Variants in ACTR3C observed in about 807,000 individuals in gnomAD.
ACTR3C encodes actin-related protein 3C.
A neutral mutation model predicts 26.3 loss-of-function variants in ACTR3C; 18 were observed. That is an observed-to-expected ratio of 0.68 (90% CI 0.47 to 1.01). ACTR3C has a LOEUF of 1.01. Among genes scored for constraint, ACTR3C ranks in the 50% least tolerant of loss-of-function variants. ACTR3C has a pLI of 0.00. For synonymous variants in ACTR3C, 55 were observed against 94.5 expected (o/e 0.58, Z 2.42); for missense variants, 184 against 250.7 (o/e 0.73, Z 1.80).
At chr7:150,061,301 C>T in the ACTR3C span, among the ~76,000 whole-genome samples, 2 of 140,184 alleles carry the variant, frequency 1.4e-5, no homozygotes, top group South Asian at 2.5e-4. Flanking sequence ...ATCACTTCTG[C>T]ACCTGTCTTC....
chr7:149,911,680 A>C, the ACTR3C span, among the ~76,000 whole-genome samples: 1 of 151,948 alleles, frequency 6.6e-6, no homozygotes, highest in Non-Finnish European at 1.5e-5. Flanking sequence ...AAAAAAAAAA[A>C]ACACTGAAAC....
chr7:150,247,809 C>A (rs1476621687), intron 7 of ACTR3C: 31 of 149,076 alleles, frequency 2.1e-4, no homozygotes, highest in Admixed American at 2.1e-3. Context: ...GAGATCTGGT[C>A]ATGTAGAAGT....
At chr7:150,284,312 G>A (rs1246082860) in intron 6 of ACTR3C, among the ~76,000 whole-genome samples, 14 of 152,136 alleles carry the variant, frequency 9.2e-5, no homozygotes, top group African/African-American at 2.9e-4. Context: ...AGGCCAAGGC[G>A]GGTGGATTGC....
At chr7:150,084,519 G>T in the ACTR3C span, among the ~76,000 whole-genome samples, 14 of 152,146 alleles carry the variant, frequency 9.2e-5, no homozygotes, top group African/African-American at 2.7e-4. Context: ...CACTGCGGAG[G>T]TATCATGGGG....
the ACTR3C span, among the ~76,000 whole-genome samples, chr7:150,048,280 G>A: frequency 6.6e-5 from 10 of 151,246 alleles, no homozygotes; most frequent in East Asian, 1.2e-3. Context: ...CGCTCTCCTC[G>A]CTCCCCGCCC....
the ACTR3C span, among the ~76,000 whole-genome samples, chr7:150,102,890 A>G: frequency 1.3e-5 from 2 of 152,078 alleles, no homozygotes; most frequent in Non-Finnish European, 2.9e-5. Context: ...GTAGCCTGCT[A>G]TAACCCCAGC....
At chr7:150,073,545 T>C in the ACTR3C span, 2 of 148,196 alleles carry the variant, frequency 1.3e-5, no homozygotes, top group East Asian at 2.0e-4. Context: ...CCTTTAGAAC[T>C]CCCTGATCAT....
the ACTR3C span, among the ~76,000 whole-genome samples, chr7:149,918,150 T>C: frequency 6.6e-6 from 1 of 152,084 alleles, no homozygotes; most frequent in Non-Finnish European, 1.5e-5. Context: ...TTAAATTTTC[T>C]ATTTCTCCTT....
At chr7:150,026,090 C>T in the ACTR3C span, among the ~76,000 whole-genome samples, 2 of 152,064 alleles carry the variant, frequency 1.3e-5, no homozygotes, top group African/African-American at 2.4e-5. Flanking sequence ...ATGCCTGGCA[C>T]ACAGAAGGCA....
chr7:150,185,510 A>G, the ACTR3C span, among the ~76,000 whole-genome samples: 3 of 152,154 alleles, frequency 2.0e-5, no homozygotes, highest in Admixed American at 6.5e-5. Flanking sequence ...ATCTTTTTCT[A>G]TATAAAGGAA....
the ACTR3C span, among the ~76,000 whole-genome samples, chr7:149,953,662 T>C: frequency 6.6e-6 from 1 of 152,238 alleles, no homozygotes; most frequent in Non-Finnish European, 1.5e-5. Context: ...TCCGTCTTCG[T>C]TGCCTTTTTA....
the ACTR3C span, among the ~76,000 whole-genome samples, chr7:150,219,862 G>T: frequency 6.9e-6 from 1 of 144,950 alleles, no homozygotes; most frequent in African/African-American, 2.9e-5. Context: ...GGCCCAGGGG[G>T]GTCTGATTGT....
chr7:149,905,124 T>C, the ACTR3C span, among the ~76,000 whole-genome samples: 1 of 150,774 alleles, frequency 6.6e-6, no homozygotes, highest in Non-Finnish European at 1.5e-5. Context: ...CACTAAAGAG[T>C]AAGAGCCAAA....
chr7:149,911,622 C>T, the ACTR3C span, among the ~76,000 whole-genome samples: 1 of 151,042 alleles, frequency 6.6e-6, no homozygotes, highest in Non-Finnish European at 1.5e-5. Flanking sequence ...TCATCTCCTA[C>T]AATCTCCTAT....
chr7:150,321,298 T>G (rs1175367884), intron 1 of ACTR3C, among the ~76,000 whole-genome samples: 1 of 152,236 alleles, frequency 6.6e-6, no homozygotes, highest in Non-Finnish European at 1.5e-5. Context: ...TTGAATAAAG[T>G]CTCTCACCTT....
At chr7:150,226,050 G>C in the ACTR3C span, among the ~76,000 whole-genome samples, 1 of 152,176 alleles carries the variant, frequency 6.6e-6, no homozygotes. Flanking sequence ...TTACTAAATA[G>C]TATTTCATTC....
At chr7:149,950,543 A>G in the ACTR3C span, among the ~76,000 whole-genome samples, 2 of 152,042 alleles carry the variant, frequency 1.3e-5, no homozygotes, top group East Asian at 1.9e-4. Flanking sequence ...ACCAAAGGAC[A>G]TGGTGTTTCA....
At chr7:149,927,843 T>A in the ACTR3C span, among the ~76,000 whole-genome samples, 3 of 152,156 alleles carry the variant, frequency 2.0e-5, no homozygotes, top group Admixed American at 2.0e-4. Context: ...CTGTAGAACT[T>A]TGGGGGATGC....
intron 6 of ACTR3C, among the ~76,000 whole-genome samples, chr7:150,278,387 G>C (rs1054359928): frequency 3.9e-5 from 6 of 152,202 alleles, no homozygotes; most frequent in Non-Finnish European, 8.8e-5. Context: ...GGCCACCCTG[G>C]GCAGCACAGA....
Sources: gnomAD v4.1 joint callset for allele counts (sites outside exome capture counted in the v4.1 genomes callset) on GRCh38, gnomAD v4.1.1 for gene constraint, MANE v1.5 for transcripts, NCBI Gene and HGNC (gene_info 2026-07-23, HGNC 2026-07-21) for gene names.